GSPT2: variants seen among roughly 807,000 people sequenced by gnomAD.
The protein encoded by GSPT2 is eukaryotic peptide chain release factor GTP-binding subunit ERF3B.
Under a neutral mutation model 24.6 loss-of-function variants are expected in GSPT2, and 2 were observed. The observed-to-expected ratio is 0.08, with a 90% CI of 0.03 to 0.26. The LOEUF (loss-of-function observed/expected upper bound fraction) is 0.26, where lower values mean the gene tolerates loss of function less well. Ranked by LOEUF, GSPT2 falls within the 10% of genes least tolerant of loss-of-function variation. The pLI, the probability that GSPT2 is intolerant of heterozygous loss-of-function variation, is 1.00. For missense variants in GSPT2, 322 were observed against 489.6 expected, an observed-to-expected ratio of 0.66 and a Z score of 3.23; for synonymous variants, 194 against 189.3, an observed-to-expected ratio of 1.02 and a Z score of -0.20.
Position 51,743,977 on chromosome X carries a change from G to T in GSPT2, c.351G>T (p.Pro117=). The stretch of plus-strand genomic sequence containing the variant: ...CTGTGGAACCTTCCCGAGAGGAACC[G>T]TTAGTGTCGCTTGAAGGTTCCAATT... ...GAPVEPSREE[P]LVSLEGSNSA... The change falls in exon 1 of 1, where the codon CCG becomes CCT. Residue 117 remains proline, a synonymous_variant. Coordinates refer to ENST00000340438, the MANE Select transcript of GSPT2 (RefSeq NM_018094.5). 3 of 1,207,970 alleles carry T rather than the reference G, an allele frequency of 2.5e-6. No individual in the cohort carries two copies. Among genetic ancestry groups the T allele is most frequent in the Non-Finnish European group, 3.4e-6 (3 of 893,405 alleles).
In GSPT2 at chrX:51,745,032, A is replaced by G. The variant is rs782075045; in HGVS notation, c.1406A>G (p.Asn469Ser). ...QQLVMMPNKH[N>S]VEVLGILSDD... is the part of the protein sequence containing the mutation. ...CTCGTGATGATGCCAAACAAGCACA[A>G]TGTAGAAGTTCTTGGAATACTTTCT... The change falls in exon 1 of 1, where the codon AAT becomes AGT. Residue 469 changes from asparagine (N) to serine (S), a missense_variant. Physicochemically the swap from Asn to Ser is conservative, Grantham distance 46 (BLOSUM62 1). This residue lies in a region of GSPT2 where 117 missense variants were observed against 204.1 expected (regional missense o/e 0.57). Coordinates refer to ENST00000340438, the MANE Select transcript of GSPT2 (RefSeq NM_018094.5). The G allele has an allele frequency of 5.8e-6, 7 of 1,206,037 alleles. No homozygotes were observed. The highest frequency in any genetic ancestry group is 4.6e-4 in the Middle Eastern group (2 of 4,337).
rs782645358 is a variant in GSPT2, at chrX:51,744,099, A to G, written c.473A>G (p.Glu158Gly). 8.3e-7 allele frequency: 1 copy of G among 1,209,819 alleles called. No individual in the cohort carries two copies. Among genetic ancestry groups the G allele is most frequent in the Admixed American group, 2.2e-5 (1 of 45,926 alleles). ...TGGGAGCACAGTAAAGAAGTAAGTG[A>G]AGCCGAGCCTGGGGGTGGTTCCTCG... Reference protein sequence around the residue: ...ESWEHSKEVSEAEPGGGSSGD... With the variant: ...ESWEHSKEVSGAEPGGGSSGD... Residue 158 changes from glutamate (E) to glycine (G), a missense_variant, in exon 1 of 1, where the codon GAA becomes GGA. This residue lies in a region of GSPT2 where 72 missense variants were observed against 121.5 expected (regional missense o/e 0.59). Coordinates refer to ENST00000340438, the MANE Select transcript of GSPT2 (RefSeq NM_018094.5).
rs781975357 is a variant in GSPT2 at position 51,746,034 on chromosome X, A to T, written c.*521A>T. The T allele has an allele frequency of 4.3e-4, 54 of 124,696 alleles. No homozygotes were observed. Among genetic ancestry groups the T allele is most frequent in the African/African-American group, 1.6e-3 (50 of 31,086 alleles). The allele number at this position is 124,696 out of a possible 1,213,427, so 10.3% of individuals were successfully genotyped here. A position where few individuals can be genotyped will look rare whatever the true frequency, so the allele number is the denominator to read the frequency against. ...CTCAAATAGTTGAATATGTTCTATCACTTAAAAACTTAAAAACTCTTCACC... is the reference window on the plus strand; with the variant it reads ...CTCAAATAGTTGAATATGTTCTATCTCTTAAAAACTTAAAAACTCTTCACC... On this transcript the variant is annotated 3_prime_UTR_variant, in exon 1 of 1. Coordinates refer to ENST00000340438, the MANE Select transcript of GSPT2 (RefSeq NM_018094.5).
chrX:51,743,843 C>T lies in GSPT2; in HGVS notation c.217C>T (p.Leu73=). 1.7e-6 allele frequency: 2 copies of T among 1,209,065 alleles called. No homozygotes were observed. The highest frequency in any genetic ancestry group is 1.8e-5 in the South Asian group (1 of 56,479). The change falls in exon 1 of 1, where the codon CTG becomes TTG. Residue 73 remains leucine, a synonymous_variant. Transcript: ENST00000340438. The part of the protein sequence containing the change: ...VHAAEFVPSF[L]RGPTQPPTLP... ...CGCCGCGGAGTTCGTGCCGTCCTTC[C>T]TGCGGGGCCCGACTCAGCCGCCCAC...
rs1557349113 is a variant in GSPT2 at position 51,746,201 on chromosome X, G to C, written c.*688G>C. ...CTGTCCAAGTCCAGTCAATAAAGGAGCTCTTCTGCTTCCCCACTTGTGATT... is the reference window on the plus strand; with the variant it reads ...CTGTCCAAGTCCAGTCAATAAAGGACCTCTTCTGCTTCCCCACTTGTGATT... On this transcript the variant is annotated 3_prime_UTR_variant, in exon 1 of 1. Transcript: ENST00000340438. 8.1e-6 allele frequency: 1 copy of C among 123,936 alleles called. No individual in the cohort carries two copies. Among genetic ancestry groups the C allele is most frequent in the African/African-American group, 3.2e-5 (1 of 31,003 alleles). 10.2% of individuals were successfully genotyped at this position (123,936 alleles called of 1,213,427 possible). A position where few individuals can be genotyped will look rare whatever the true frequency, so the allele number is the denominator to read the frequency against.
chrX:51,745,239 G>A lies in GSPT2; in HGVS notation c.1613G>A (p.Gly538Asp). The change falls in exon 1 of 1, where the codon GGT becomes GAT. Residue 538 changes from glycine (G) to aspartate (D), a missense_variant. Physicochemically the swap from Gly to Asp is moderately conservative, Grantham distance 94. Transcript: ENST00000340438. ...GAGCACAAATCCATCATCTGCCCAGGTTATAATGCGGTGCTGCACATTCAT... is the reference window on the plus strand; with the variant it reads ...GAGCACAAATCCATCATCTGCCCAGATTATAATGCGGTGCTGCACATTCAT... ...IIEHKSIICPGYNAVLHIHTC... is the reference protein window; with the variant it reads ...IIEHKSIICPDYNAVLHIHTC... 1 of 1,208,982 alleles carries A rather than the reference G, an allele frequency of 8.3e-7. No individual in the cohort carries two copies. Among genetic ancestry groups the A allele is most frequent in the Non-Finnish European group, 1.1e-6 (1 of 893,210 alleles).
Position 51,743,915 on chromosome X carries a change from G to A in GSPT2, c.289G>A (p.Gly97Arg), listed in dbSNP as rs1351891487. 1 of 1,205,846 alleles carries A rather than the reference G, an allele frequency of 8.3e-7. No individual in the cohort carries two copies. The highest frequency in any genetic ancestry group is 1.1e-6 in the Non-Finnish European group (1 of 892,357). ...GSNDETCTGAGYPQGKRMGRG... is the reference protein window; with the variant it reads ...GSNDETCTGARYPQGKRMGRG... ...CAACGATGAAACCTGCACCGGCGCG[G>A]GATACCCTCAAGGTAAAAGGATGGG... is the stretch of plus-strand genomic sequence containing the variant. Residue 97 changes from glycine to arginine, a missense_variant, in exon 1 of 1, where the codon GGA (glycine) becomes AGA (arginine). By Grantham distance (125) the Gly-to-Arg change is moderately radical. This residue lies in a region of GSPT2 where 125 missense variants were observed against 121.3 expected (regional missense o/e 1.03). Transcript: ENST00000340438.
In GSPT2 at chrX:51,745,517, A is replaced by G. The variant is rs1923974474; in HGVS notation, c.*4A>G. Reference sequence around the variant, plus strand: ...ATTGGTCCCAGAGAAGGACTAAGCAATTTTCTTGATGCCTCTGCAAGATAC... The same window carrying G: ...ATTGGTCCCAGAGAAGGACTAAGCAGTTTTCTTGATGCCTCTGCAAGATAC... On this transcript the variant is annotated 3_prime_UTR_variant, in exon 1 of 1. Coordinates refer to ENST00000340438, the MANE Select transcript of GSPT2 (RefSeq NM_018094.5). 2 of 1,113,577 alleles carry G rather than the reference A, an allele frequency of 1.8e-6. No individual in the cohort carries two copies. Among genetic ancestry groups the G allele is most frequent in the African/African-American group, 3.6e-5 (2 of 55,224 alleles). The allele number at this position is 1,113,577 out of a possible 1,213,427, so 91.8% of individuals were successfully genotyped here. A position where few individuals can be genotyped will look rare whatever the true frequency, so the allele number is the denominator to read the frequency against.
Position 51,743,642 on chromosome X carries a change from A to T in GSPT2, c.16A>T (p.Ser6Cys). ...TTCCGAGACCATGGATTCGGGCAGCAGCAGCAGCGACTCGGCGCCCGATTG... is the reference window on the plus strand; with the variant it reads ...TTCCGAGACCATGGATTCGGGCAGCTGCAGCAGCGACTCGGCGCCCGATTG... MDSGS[S>C]SSDSAPDCWD... The change falls in exon 1 of 1, where the codon AGC (serine) becomes TGC (cysteine). Residue 6 changes from serine (S) to cysteine (C), a missense_variant. This residue lies in a region of GSPT2 where 125 missense variants were observed against 121.3 expected (regional missense o/e 1.03). Coordinates refer to ENST00000340438, the MANE Select transcript of GSPT2 (RefSeq NM_018094.5). The T allele has an allele frequency of 8.3e-7, 1 of 1,199,602 alleles. No individual in the cohort carries two copies. The highest frequency in any genetic ancestry group is 1.1e-6 in the Non-Finnish European group (1 of 889,211).
Position 51,744,515 on chromosome X carries a change from A to G in GSPT2, c.889A>G (p.Asn297Asp), listed in dbSNP as rs149979409. The G allele has an allele frequency of 1.7e-6, 2 of 1,211,668 alleles. No homozygotes were observed. Among genetic ancestry groups the G allele is most frequent in the Admixed American group, 2.2e-5 (1 of 46,021 alleles). ...CCCTGGCCACAAGAGTTTTGTCCCA[A>G]ATATGATTGGTGGTGCTTCTCAAGC... ...DAPGHKSFVP[N>D]MIGGASQADL... is the part of the protein sequence containing the mutation. The change falls in exon 1 of 1, where the codon AAT (asparagine) becomes GAT (aspartate). Residue 297 changes from asparagine (N) to aspartate (D), a missense_variant. Asn to Asp is a conservative substitution (Grantham distance 23). Transcript: ENST00000340438.
In GSPT2 at chrX:51,743,997, C is replaced by T; in HGVS notation, c.371C>T (p.Ser124Phe). The change falls in exon 1 of 1, where the codon TCC becomes TTC. Residue 124 changes from serine (S) to phenylalanine (F), a missense_variant. By Grantham distance (155) the Ser-to-Phe change is radical. Transcript: ENST00000340438. ...REEPLVSLEGSNSAVTMELSE... is the reference protein window; with the variant it reads ...REEPLVSLEGFNSAVTMELSE... ...GAACCGTTAGTGTCGCTTGAAGGTT[C>T]CAATTCAGCCGTTACCATGGAACTT... is the stretch of plus-strand genomic sequence containing the variant. 1 of 1,209,032 alleles carries T rather than the reference C, an allele frequency of 8.3e-7. No individual in the cohort carries two copies. The highest frequency in any genetic ancestry group is 2.3e-4 in the Middle Eastern group (1 of 4,352).
chrX:51,745,113 A>T lies in GSPT2; in HGVS notation c.1487A>T (p.Lys496Met). Residue 496 changes from lysine to methionine, a missense_variant, in exon 1 of 1, where the codon AAG becomes ATG. Coordinates refer to ENST00000340438, the MANE Select transcript of GSPT2 (RefSeq NM_018094.5). ...APGENLKIRL[K>M]GIEEEEILPG... ...GGTGAAAACCTCAAAATCAGACTGA[A>T]GGGAATTGAAGAAGAAGAGATTCTT... is the stretch of plus-strand genomic sequence containing the variant. 8.3e-7 allele frequency: 1 copy of T among 1,209,602 alleles called. No homozygotes were observed. Among genetic ancestry groups the T allele is most frequent in the Non-Finnish European group, 1.1e-6 (1 of 893,609 alleles).
rs1262679875 is a variant in GSPT2 at position 51,745,701 on chromosome X, C to T, written c.*188C>T. 6 of 440,702 alleles carry T rather than the reference C, an allele frequency of 1.4e-5. No individual in the cohort carries two copies. Among genetic ancestry groups the T allele is most frequent in the Non-Finnish European group, 2.4e-5 (6 of 249,653 alleles). 36.3% of individuals were successfully genotyped at this position (440,702 alleles called of 1,213,427 possible). A position where few individuals can be genotyped will look rare whatever the true frequency, so the allele number is the denominator to read the frequency against. Reference sequence around the variant, plus strand: ...CTGTTATGTCACTGATGAATTTACCCTCAAGTTTCCTTCCTCTGTACCACT... The same window carrying T: ...CTGTTATGTCACTGATGAATTTACCTTCAAGTTTCCTTCCTCTGTACCACT... On this transcript the variant is annotated 3_prime_UTR_variant, in exon 1 of 1. Coordinates refer to ENST00000340438, the MANE Select transcript of GSPT2 (RefSeq NM_018094.5).
chrX:51,743,593 G>C lies in GSPT2; in HGVS notation c.-34G>C, dbSNP rs782815174. On this transcript the variant is annotated 5_prime_UTR_variant, in exon 1 of 1. Coordinates refer to ENST00000340438, the MANE Select transcript of GSPT2 (RefSeq NM_018094.5). ...CCCGCTCTTCTGGCCTGTTGAGCCC[G>C]CTCCCTCACTGCCACACAGCAAGTT... is the stretch of plus-strand genomic sequence containing the variant. 2.7e-5 allele frequency: 31 copies of C among 1,142,761 alleles called. No individual in the cohort carries two copies. In the Admixed American group the frequency reaches 7.3e-4, roughly 27 times the overall value. The allele number at this position is 1,142,761 out of a possible 1,213,427, so 94.2% of individuals were successfully genotyped here. A position where few individuals can be genotyped will look rare whatever the true frequency, so the allele number is the denominator to read the frequency against.
Position 51,745,249 on chromosome X carries a change from G to A in GSPT2, c.1623G>A (p.Ala541=), listed in dbSNP as rs1557348993. ...HKSIICPGYN[A]VLHIHTCIEE... is the part of the protein sequence containing the mutation. ...CCATCATCTGCCCAGGTTATAATGCGGTGCTGCACATTCATACTTGTATTG... is the reference window on the plus strand; with the variant it reads ...CCATCATCTGCCCAGGTTATAATGCAGTGCTGCACATTCATACTTGTATTG... The change falls in exon 1 of 1, where the codon GCG becomes GCA. Residue 541 remains alanine, a synonymous_variant. Coordinates refer to ENST00000340438, the MANE Select transcript of GSPT2 (RefSeq NM_018094.5). The A allele has an allele frequency of 8.3e-7, 1 of 1,207,133 alleles. No homozygotes were observed. The highest frequency in any genetic ancestry group is 1.1e-6 in the Non-Finnish European group (1 of 891,611).
chrX:51,744,943 C>T lies in GSPT2; in HGVS notation c.1317C>T (p.Tyr439=). Residue 439 remains tyrosine, a synonymous_variant, in exon 1 of 1, where the codon TAC becomes TAT. Transcript: ENST00000340438. ...GPIRLPIVDK[Y]KDMGTVVLGK... is the part of the protein sequence containing the mutation. ...TAAGACTGCCAATTGTGGATAAGTA[C>T]AAAGATATGGGCACTGTGGTCCTGG... The T allele has an allele frequency of 4.1e-6, 5 of 1,207,965 alleles. No homozygotes were observed. The highest frequency in any genetic ancestry group is 5.6e-6 in the Non-Finnish European group (5 of 892,319).
Position 51,745,507 on chromosome X carries a change from G to A in GSPT2, c.1881G>A (p.Lys627=), listed in dbSNP as rs782654487. 1.5e-5 allele frequency: 18 copies of A among 1,166,873 alleles called. No individual in the cohort carries two copies. Among genetic ancestry groups the A allele is most frequent in the Admixed American group, 6.6e-5 (3 of 45,276 alleles). ...IGKVLKLVPE[K]D is the part of the protein sequence containing the mutation. ...AAGTTCTGAAATTGGTCCCAGAGAA[G>A]GACTAAGCAATTTTCTTGATGCCTC... The change falls in exon 1 of 1, where the codon AAG becomes AAA. Residue 627 remains lysine, a synonymous_variant. Coordinates refer to ENST00000340438, the MANE Select transcript of GSPT2 (RefSeq NM_018094.5).
rs1923984886 is a variant in GSPT2 at position 51,745,945 on chromosome X, G to A, written c.*432G>A. On this transcript the variant is annotated 3_prime_UTR_variant, in exon 1 of 1. Transcript: ENST00000340438. ...TCCATTTGAAACTCTTCGGTTATTT[G>A]AAATGCTTTTGAATAATGTTTAAAT... is the stretch of plus-strand genomic sequence containing the variant. 1 of 131,322 alleles carries A rather than the reference G, an allele frequency of 7.6e-6. No individual in the cohort carries two copies. Among genetic ancestry groups the A allele is most frequent in the African/African-American group, 3.2e-5 (1 of 31,056 alleles). 10.8% of individuals were successfully genotyped at this position (131,322 alleles called of 1,213,427 possible). A position where few individuals can be genotyped will look rare whatever the true frequency, so the allele number is the denominator to read the frequency against.
chrX:51,743,813 G>A lies in GSPT2; in HGVS notation c.187G>A (p.Val63Ile), dbSNP rs782057159. Residue 63 changes from valine (V) to isoleucine (I), a missense_variant, in exon 1 of 1, where the codon GTA becomes ATA. Physicochemically the swap from Val to Ile is conservative, Grantham distance 29. This residue lies in a region of GSPT2 where 125 missense variants were observed against 121.3 expected (regional missense o/e 1.03). Transcript: ENST00000340438. ...CAACGCCAAGCCCTTCGTGCCTAAC[G>A]TACACGCCGCGGAGTTCGTGCCGTC... is the stretch of plus-strand genomic sequence containing the variant. ...NVNAKPFVPN[V>I]HAAEFVPSFL... 4.1e-6 allele frequency: 5 copies of A among 1,209,620 alleles called. No individual in the cohort carries two copies. Among genetic ancestry groups the A allele is most frequent in the East Asian group, 3.0e-5 (1 of 33,719 alleles).
Sources: allele counts gnomAD v4.1 joint callset, GRCh38; gene constraint gnomAD v4.1.1; regional missense constraint gnomAD v4.1.1; transcripts MANE v1.5; gene names NCBI Gene and HGNC (gene_info 2026-07-23, HGNC 2026-07-21).